The following ST18 variants were observed in gnomAD, a reference collection of about 807,000 sequenced individuals.
ST18 encodes the protein suppression of tumorigenicity 18 protein.
A neutral mutation model predicts 110.0 loss-of-function variants in ST18; 50 were observed. That is an observed-to-expected ratio of 0.45 (90% CI 0.36 to 0.58). The LOEUF (loss-of-function observed/expected upper bound fraction) is 0.58. ST18 is among the 20% of genes least tolerant of loss of function. ST18 has a pLI of 0.00. For synonymous variants in ST18, 461 were observed against 452.4 expected (o/e 1.02, Z -0.24); for missense variants, 1,306 against 1,280.1 (o/e 1.02, Z -0.31).
At chr8:52,281,687 A>T (rs1185389673) in intron 2 of ST18, among the ~76,000 whole-genome samples, 2 of 152,256 alleles carry the variant, frequency 1.3e-5, no homozygotes, top group Admixed American at 6.5e-5. Context: ...AATGTGGCAC[A>T]TGTATACCAT....
chr8:52,200,405 G>A (rs180747831), intron 8 of ST18, among the ~76,000 whole-genome samples: 4 of 152,318 alleles, frequency 2.6e-5, no homozygotes, highest in Non-Finnish European at 5.9e-5. Flanking sequence ...GCAGCTGTGC[G>A]GGGAACAACA....
intron 2 of ST18, among the ~76,000 whole-genome samples, chr8:52,255,288 G>A (rs1177250502): frequency 6.6e-6 from 1 of 152,104 alleles, no homozygotes; most frequent in African/African-American, 2.4e-5. Context: ...TTTTCATGGG[G>A]CTACTTTTTC....
At chr8:52,198,006 GT>G in intron 8 of ST18, among the ~76,000 whole-genome samples, 1 of 151,826 alleles carries the variant, frequency 6.6e-6, no homozygotes, top group East Asian at 1.9e-4. Flanking sequence ...CCATGTGGCT[GT>G]TTTATTTGTT....
Position 52,172,089 on chromosome 8 carries a change from C to T in ST18, c.772G>A (p.Asp258Asn). 3 of 1,614,240 alleles carry T rather than the reference C, an allele frequency of 1.9e-6. No individual in the cohort carries two copies. The South Asian group carries it at 3.3e-5, about 18-fold the overall frequency. The change falls in exon 10 of 26, where the codon GAC becomes AAC. Residue 258 changes from aspartate to asparagine, a missense_variant. Coordinates refer to ENST00000689386, the MANE Select transcript of ST18 (RefSeq NM_001352837.2). ...GGTTCTGCGAGAGCATTCTGCGGGT[C>T]TTTCCTTTCTGTTTCAGAATCACAC... is the stretch of plus-strand genomic sequence containing the variant. ...NRCDSETERK[D>N]PQNALAEPLD...
At chr8:52,391,048 T>C (rs1449796328) in intron 2 of ST18, among the ~76,000 whole-genome samples, 1 of 152,202 alleles carries the variant, frequency 6.6e-6, no homozygotes, top group African/African-American at 2.4e-5. Context: ...ATGCTGTGTG[T>C]ACCCAGGACC....
chr8:52,315,295 G>T (rs1032270801), intron 2 of ST18, among the ~76,000 whole-genome samples: 4 of 152,070 alleles, frequency 2.6e-5, no homozygotes, highest in African/African-American at 9.7e-5. Context: ...TTATTAAAAG[G>T]CTTCATTGTA....
intron 2 of ST18, among the ~76,000 whole-genome samples, chr8:52,385,088 G>A (rs565113787): frequency 2.6e-5 from 4 of 152,098 alleles, no homozygotes; most frequent in Non-Finnish European, 5.9e-5. Context: ...AGACAGAAAC[G>A]TGAGACTCAG....
chr8:52,290,622 A>C (rs1225357734), intron 2 of ST18, among the ~76,000 whole-genome samples: 1 of 152,100 alleles, frequency 6.6e-6, no homozygotes, highest in African/African-American at 2.4e-5. Flanking sequence ...CTTCCTTCTC[A>C]GTGTGTCTCT....
chr8:52,140,235 T>G (rs1247850224), intron 17 of ST18, among the ~76,000 whole-genome samples: 2 of 152,192 alleles, frequency 1.3e-5, no homozygotes, highest in African/African-American at 4.8e-5. Flanking sequence ...CCCTGTCTAA[T>G]ATGCATGAAT....
At chr8:52,145,791 CAG>C (rs1398872291) in intron 16 of ST18, among the ~76,000 whole-genome samples, 1 of 152,142 alleles carries the variant, frequency 6.6e-6, no homozygotes, top group African/African-American at 2.4e-5. Context: ...ACATGAATAA[CAG>C]ATAATAGCAT....
At chr8:52,237,171 G>A (rs1314121062) in intron 2 of ST18, among the ~76,000 whole-genome samples, 1 of 152,176 alleles carries the variant, frequency 6.6e-6, no homozygotes, top group South Asian at 2.1e-4. Flanking sequence ...TCCAAAAAGA[G>A]ATCAGTCCCT....
chr8:52,152,146 G>C (rs572509422), intron 15 of ST18, among the ~76,000 whole-genome samples: 2 of 151,836 alleles, frequency 1.3e-5, no homozygotes, highest in East Asian at 1.9e-4. Context: ...GGGAGAGAGC[G>C]GGCGGCTCAC....
intron 10 of ST18, among the ~76,000 whole-genome samples, chr8:52,167,504 C>T (rs567715935): frequency 3.9e-5 from 6 of 152,190 alleles, no homozygotes; most frequent in African/African-American, 7.2e-5. Flanking sequence ...GAGCAGCTGG[C>T]GGAGTTAGGA....
At chr8:52,127,409 T>C (rs2047503638) in intron 22 of ST18, among the ~76,000 whole-genome samples, 1 of 152,234 alleles carries the variant, frequency 6.6e-6, no homozygotes, top group South Asian at 2.1e-4. Context: ...CTGTGGCCTA[T>C]AAAAGTTTCA....
rs368727956 is a variant in ST18, at chr8:52,214,220, C to A, written c.38G>T (p.Arg13Leu). ...AEAEDKTLRT[R>L]SKGTEVPMDS... ...TAACTCACCCTCGGTTCCTTTAGAGCGAGTACGCAGCGTTTTATCTTCAGC... is the reference window on the plus strand; with the variant it reads ...TAACTCACCCTCGGTTCCTTTAGAGAGAGTACGCAGCGTTTTATCTTCAGC... Residue 13 changes from arginine (R) to leucine (L), a missense_variant, in exon 7 of 26, where the codon CGC (arginine) becomes CTC (leucine). Physicochemically the swap from Arg to Leu is moderately radical, Grantham distance 102 (BLOSUM62 -2). Transcript: ENST00000689386. 4.3e-6 allele frequency: 7 copies of A among 1,613,868 alleles called. No individual in the cohort carries two copies. The African/African-American group carries it at 5.3e-5, about 12-fold the overall frequency.
intron 3 of ST18, among the ~76,000 whole-genome samples, chr8:52,223,341 T>G (rs1223105957): frequency 6.6e-6 from 1 of 152,202 alleles, no homozygotes; most frequent in Non-Finnish European, 1.5e-5. Context: ...TAGAGAATCA[T>G]AGATTTATTT....
chr8:52,171,646 G>T lies in ST18; in HGVS notation c.1069+146C>A, dbSNP rs1343731512. On this transcript the variant is annotated intron_variant, in intron 10 of 25. Transcript: ENST00000689386. ...AATCTAGAGAGTGGGGGAAAAGAAAGAAATTGTTTATTTTATAATTATAAA... is the reference window on the plus strand; with the variant it reads ...AATCTAGAGAGTGGGGGAAAAGAAATAAATTGTTTATTTTATAATTATAAA... The T allele has an allele frequency of 6.7e-6, 6 of 898,384 alleles. No homozygotes were observed. The Admixed American group carries it at 8.2e-5, about 12-fold the overall frequency. The allele number at this position is 898,384 out of a possible 1,614,324, so 55.7% of individuals were successfully genotyped here. A position where few individuals can be genotyped will look rare whatever the true frequency, so the allele number is the denominator to read the frequency against.
At chr8:52,277,912 C>G (rs760631767) in intron 2 of ST18, among the ~76,000 whole-genome samples, 3 of 152,042 alleles carry the variant, frequency 2.0e-5, no homozygotes, top group Non-Finnish European at 4.4e-5. Context: ...GATAGCAATT[C>G]CATTATTGAT....
At chr8:52,345,197 C>T (rs142180407) in intron 2 of ST18, among the ~76,000 whole-genome samples, 3 of 152,060 alleles carry the variant, frequency 2.0e-5, no homozygotes, top group Admixed American at 6.6e-5. Flanking sequence ...ATCTCCAGGA[C>T]GTACTCATCA....
Sources: gnomAD v4.1 joint callset for allele counts (sites outside exome capture counted in the v4.1 genomes callset) on GRCh38, gnomAD v4.1.1 for gene constraint, MANE v1.5 for transcripts, NCBI Gene and HGNC (gene_info 2026-07-23, HGNC 2026-07-21) for gene names.